CACNA2D1: variants seen among roughly 807,000 people sequenced by gnomAD.
The protein encoded by CACNA2D1 is voltage-dependent calcium channel subunit alpha-2/delta-1.
CACNA2D1 carries 53 observed loss-of-function variants against 171.5 expected under a neutral mutation model. That is an observed-to-expected ratio of 0.31 (90% CI 0.25 to 0.39). The LOEUF is 0.39. Ranked by LOEUF, CACNA2D1 falls within the 10% of genes least tolerant of loss-of-function variation. The pLI is 1.00. For synonymous variants in CACNA2D1, 442 were observed against 443.1 expected, an observed-to-expected ratio of 1.00 and a Z score of 0.03; for missense variants, 903 against 1,299.8, an observed-to-expected ratio of 0.69 and a Z score of 4.69.
chr7:82,026,829 T>C (rs1431231136), intron 12 of CACNA2D1, among the ~76,000 whole-genome samples: 1 of 151,702 alleles, frequency 6.6e-6, no homozygotes, highest in Non-Finnish European at 1.5e-5. Flanking sequence ...CATACACATA[T>C]GTCCTGGGCA....
chr7:82,200,729 G>A (rs1470442406), intron 3 of CACNA2D1, among the ~76,000 whole-genome samples: 1 of 152,044 alleles, frequency 6.6e-6, no homozygotes, highest in African/African-American at 2.4e-5. Flanking sequence ...CAGAACTCAG[G>A]CCTAAAAAAG....
chr7:81,972,151 CCTT>C (rs1309472944), intron 25 of CACNA2D1, among the ~76,000 whole-genome samples: 6 of 151,524 alleles, frequency 4.0e-5, no homozygotes, highest in Non-Finnish European at 7.4e-5. Context: ...AGGAAATAGT[CCTT>C]CTTTTGTGTT....
intron 15 of CACNA2D1, among the ~76,000 whole-genome samples, chr7:82,009,532 G>A (rs1799505138): frequency 1.3e-5 from 2 of 152,130 alleles, no homozygotes; most frequent in African/African-American, 4.8e-5. Context: ...GTCTGTTAGA[G>A]CTATAATCTA....
intron 3 of CACNA2D1, among the ~76,000 whole-genome samples, chr7:82,310,012 T>A (rs1154691): frequency 0.16 from 23,781 of 152,194 alleles, 2,022 homozygotes; most frequent in South Asian, 0.28. Context: ...TACTATAACA[T>A]TAATTATTAA....
intron 10 of CACNA2D1, among the ~76,000 whole-genome samples, chr7:82,054,073 A>T (rs1805525593): frequency 6.6e-6 from 1 of 152,176 alleles, no homozygotes; most frequent in African/African-American, 2.4e-5. Flanking sequence ...TATTTTTTTT[A>T]GGAAAATCAA....
rs561325326 is a variant in CACNA2D1, at chr7:82,269,193, T to G, written c.294+65942A>C. On this transcript the variant is annotated intron_variant, in intron 3 of 38. Transcript: ENST00000356860. ...TCTTCACCATCCTGAATTTCTTTAA[T>G]AGTCTCCTTGGTAGCTTCCTGCATC... Among the ~76,000 whole-genome samples the G allele has an allele frequency of 3.0e-3, 456 of 152,310 alleles. 2 individuals carry two copies. Among genetic ancestry groups the G allele is most frequent in the African/African-American group, 0.011 (437 of 41,578 alleles).
chr7:81,965,558 T>C (rs768922047), intron 32 of CACNA2D1, 36 bp downstream of exon 32: 10 of 1,089,706 alleles, frequency 9.2e-6, no homozygotes, highest in Non-Finnish European at 1.4e-5. Flanking sequence ...AAACACACTT[T>C]GGAAAGCCTA....
chr7:82,430,522 T>G (rs191491669), intron 1 of CACNA2D1, among the ~76,000 whole-genome samples: 18 of 152,302 alleles, frequency 1.2e-4, no homozygotes, highest in Non-Finnish European at 1.8e-4. Flanking sequence ...ATGTATTGGT[T>G]AATCTAAAAC....
At chr7:82,367,665 C>T (rs1449427645) in intron 1 of CACNA2D1, among the ~76,000 whole-genome samples, 1 of 151,754 alleles carries the variant, frequency 6.6e-6, no homozygotes, top group African/African-American at 2.4e-5. Context: ...AAAATAGTTG[C>T]CTAGATAAAT....
intron 36 of CACNA2D1, among the ~76,000 whole-genome samples, chr7:81,960,343 T>C (rs1272621438): frequency 1.3e-5 from 2 of 152,178 alleles, no homozygotes; most frequent in Admixed American, 1.3e-4. Context: ...TCGAGGGTAT[T>C]GGGCACTTAA....
At chr7:82,366,135 G>A (rs1199821507) in intron 1 of CACNA2D1, among the ~76,000 whole-genome samples, 1 of 152,172 alleles carries the variant, frequency 6.6e-6, no homozygotes, top group Non-Finnish European at 1.5e-5. Context: ...TCACTTTGGG[G>A]AACAGAATGA....
rs187742507 is a variant in CACNA2D1 at position 82,238,395 on chromosome 7, A to G, written c.295-67786T>C. On this transcript the variant is annotated intron_variant, in intron 3 of 38. Coordinates refer to ENST00000356860, the MANE Select transcript of CACNA2D1 (RefSeq NM_000722.4). ...AAGTTACTAATAAGTCACATTAAAAATGGTCCTATTAAAAAGTGAACAAAG... is the reference window on the plus strand; with the variant it reads ...AAGTTACTAATAAGTCACATTAAAAGTGGTCCTATTAAAAAGTGAACAAAG... Among the ~76,000 whole-genome samples, 10 of 152,202 alleles carry G rather than the reference A, an allele frequency of 6.6e-5. No individual in the cohort carries two copies. The East Asian group carries it at 1.9e-3, about 29-fold the overall frequency.
chr7:82,255,471 A>G (rs1454217378), intron 3 of CACNA2D1, among the ~76,000 whole-genome samples: 1 of 152,234 alleles, frequency 6.6e-6, no homozygotes, highest in Non-Finnish European at 1.5e-5. Flanking sequence ...TCAGTTAATA[A>G]TTGGTATACC....
intron 3 of CACNA2D1, among the ~76,000 whole-genome samples, chr7:82,222,203 A>G (rs1217117408): frequency 6.6e-6 from 1 of 152,204 alleles, no homozygotes; most frequent in African/African-American, 2.4e-5. Flanking sequence ...GGAAGCCCCA[A>G]GAAGAGTTAC....
At chr7:82,370,578 G>A (rs1822289944) in intron 1 of CACNA2D1, among the ~76,000 whole-genome samples, 1 of 151,848 alleles carries the variant, frequency 6.6e-6, no homozygotes, top group African/African-American at 2.4e-5. Flanking sequence ...TGGATGGATG[G>A]ATAGAAATAG....
chr7:82,055,776 G>A (rs1158864156), intron 10 of CACNA2D1, among the ~76,000 whole-genome samples: 1 of 78,326 alleles, frequency 1.3e-5, no homozygotes, highest in African/African-American at 5.2e-5. Context: ...GGTGGGGGGA[G>A]GGGGGAGGGA....
chr7:82,119,767 T>C (rs1789498695), intron 5 of CACNA2D1, among the ~76,000 whole-genome samples: 2 of 152,246 alleles, frequency 1.3e-5, no homozygotes, highest in Admixed American at 6.5e-5. Context: ...CCCAGTTCTG[T>C]ATTATTTTTG....
intron 3 of CACNA2D1, among the ~76,000 whole-genome samples, chr7:82,296,278 C>T (rs546167880): frequency 1.7e-4 from 25 of 147,988 alleles, no homozygotes; most frequent in Admixed American, 4.7e-4. Flanking sequence ...AAAAAAAAAA[C>T]ATGTAGATTC....
chr7:82,105,064 C>T (rs988465742), intron 6 of CACNA2D1, among the ~76,000 whole-genome samples: 8 of 151,716 alleles, frequency 5.3e-5, no homozygotes, highest in Non-Finnish European at 8.8e-5. Flanking sequence ...GAATTAAGTC[C>T]GATGAAAAAC....
Sources: gnomAD v4.1 joint callset for allele counts (sites outside exome capture counted in the v4.1 genomes callset) on GRCh38, gnomAD v4.1.1 for gene constraint, MANE v1.5 for transcripts, NCBI Gene and HGNC (gene_info 2026-07-23, HGNC 2026-07-21) for gene names.